DGKG: variants seen among roughly 807,000 people sequenced by gnomAD.
The protein encoded by DGKG is diacylglycerol kinase gamma.
Under a neutral mutation model 105.3 loss-of-function variants are expected in DGKG, and 78 were observed. That is an observed-to-expected ratio of 0.74 (90% CI 0.62 to 0.89). The LOEUF (loss-of-function observed/expected upper bound fraction) is 0.89. Among genes scored for constraint, DGKG ranks in the 40% least tolerant of loss-of-function variants. The pLI, the probability that DGKG is intolerant of heterozygous loss-of-function variation, is 0.00. For synonymous variants in DGKG, 346 were observed against 367.1 expected (o/e 0.94, Z 0.66); for missense variants, 958 against 1,020.1 (o/e 0.94, Z 0.83).
Position 186,203,180 on chromosome 3 carries a change from T to G in DGKG, c.1917+8615A>C, listed in dbSNP as rs1718557114. ...TTAGTAAGCTGAACGATTCTAAGCA[T>G]TAGTGAAGGAAACTCGTAGTCAGTG... On this transcript the variant is annotated intron_variant, in intron 21 of 24. Transcript: ENST00000265022. This position sits in a 1 kb window ranked among gnomAD's most constrained non-coding sequence, Gnocchi z 4.9. Among the ~76,000 whole-genome samples, 2 of 152,148 alleles carry G rather than the reference T, an allele frequency of 1.3e-5. No individual in the cohort carries two copies. Among genetic ancestry groups the G allele is most frequent in the Admixed American group, 1.3e-4 (2 of 15,268 alleles).
chr3:186,356,887 C>A (rs758674081), intron 1 of DGKG, among the ~76,000 whole-genome samples: 9 of 152,098 alleles, frequency 5.9e-5, no homozygotes, highest in Non-Finnish European at 1.3e-4. Flanking sequence ...TTTGGTTCCC[C>A]GCCCTTTTCC....
chr3:186,163,623 T>C (rs1716402517), intron 23 of DGKG, among the ~76,000 whole-genome samples: 1 of 152,116 alleles, frequency 6.6e-6, no homozygotes, highest in East Asian at 1.9e-4. Context: ...ATTTTGGCTC[T>C]TGAGGCTGGG....
At chr3:186,235,601 A>C (rs1362858241) in intron 20 of DGKG, among the ~76,000 whole-genome samples, 1 of 152,226 alleles carries the variant, frequency 6.6e-6, no homozygotes, top group Non-Finnish European at 1.5e-5. Context: ...TAGATATAAG[A>C]AGAAAATCTT....
chr3:186,360,743 T>C (rs1727187645), intron 1 of DGKG, among the ~76,000 whole-genome samples: 1 of 152,162 alleles, frequency 6.6e-6, no homozygotes, highest in South Asian at 2.1e-4. Context: ...AGCACCAAAA[T>C]AACAAAGTTG....
intron 1 of DGKG, among the ~76,000 whole-genome samples, chr3:186,336,871 T>C (rs1480640673): frequency 6.6e-6 from 1 of 152,196 alleles, no homozygotes; most frequent in African/African-American, 2.4e-5. Flanking sequence ...TTCAACTTTA[T>C]AGCACCACTT....
At chr3:186,321,795 G>A (rs1473909046) in intron 1 of DGKG, among the ~76,000 whole-genome samples, 4 of 152,186 alleles carry the variant, frequency 2.6e-5, no homozygotes, top group Non-Finnish European at 5.9e-5. Context: ...GAGAGAGAGA[G>A]ATTCTAGCTT....
chr3:186,214,781 G>T (rs1578675501), intron 20 of DGKG, among the ~76,000 whole-genome samples: 1 of 152,176 alleles, frequency 6.6e-6, no homozygotes, highest in Admixed American at 6.5e-5. Context: ...ACTAGAGAAG[G>T]TGTGCCTGGT....
At chr3:186,310,043 C>T (rs558389519) in intron 2 of DGKG, among the ~76,000 whole-genome samples, 25 of 148,874 alleles carry the variant, frequency 1.7e-4, no homozygotes, top group South Asian at 6.4e-4. Context: ...CTGAGGCGGG[C>T]GGATCACGAG....
intron 1 of DGKG, among the ~76,000 whole-genome samples, chr3:186,357,072 T>TG (rs1415865174): frequency 6.6e-6 from 1 of 152,076 alleles, no homozygotes; most frequent in East Asian, 1.9e-4. Context: ...TGGTGTTGTG[T>TG]GGGGAGTTGG....
At chr3:186,305,076 A>G (rs1313237955) in intron 3 of DGKG, among the ~76,000 whole-genome samples, 3 of 152,250 alleles carry the variant, frequency 2.0e-5, no homozygotes, top group Non-Finnish European at 1.5e-5. Flanking sequence ...TATAAGCCAG[A>G]TACTTTTCCA....
intron 3 of DGKG, among the ~76,000 whole-genome samples, chr3:186,301,066 G>A (rs1723896821): frequency 6.6e-6 from 1 of 152,202 alleles, no homozygotes; most frequent in Non-Finnish European, 1.5e-5. Flanking sequence ...AGTTGGCTGA[G>A]ACTAGTTCTT....
At chr3:186,258,152 G>A (rs1436645611) in intron 16 of DGKG, among the ~76,000 whole-genome samples, 1 of 152,186 alleles carries the variant, frequency 6.6e-6, no homozygotes, top group Non-Finnish European at 1.5e-5. Context: ...CCTTGTGCAA[G>A]GATAATCTGA....
intron 11 of DGKG, among the ~76,000 whole-genome samples, chr3:186,270,093 T>G (rs545028761): frequency 2.6e-5 from 4 of 151,806 alleles, no homozygotes; most frequent in African/African-American, 7.3e-5. Context: ...CCAGGAAATA[T>G]CTGCGTGATT....
At chr3:186,238,935 G>C (rs1416482625) in intron 20 of DGKG, among the ~76,000 whole-genome samples, 1 of 152,134 alleles carries the variant, frequency 6.6e-6, no homozygotes, top group Non-Finnish European at 1.5e-5. Flanking sequence ...TGCCTCTTAG[G>C]ATTCAAAGAG....
chr3:186,175,509 G>C (rs1396739446), intron 22 of DGKG, among the ~76,000 whole-genome samples: 2 of 152,218 alleles, frequency 1.3e-5, no homozygotes, highest in Admixed American at 6.5e-5. Flanking sequence ...GTGCTTCAGA[G>C]GGGGAGGCAG....
chr3:186,179,860 G>A (rs1717274340), intron 22 of DGKG, among the ~76,000 whole-genome samples: 1 of 152,188 alleles, frequency 6.6e-6, no homozygotes, highest in South Asian at 2.1e-4. Flanking sequence ...CTGGCAGAGG[G>A]GCCCTGGCAC....
chr3:186,350,985 C>T (rs186819878), intron 1 of DGKG, among the ~76,000 whole-genome samples: 1 of 152,194 alleles, frequency 6.6e-6, no homozygotes. Flanking sequence ...TCTATATATT[C>T]TGGACTTTAA....
intron 21 of DGKG, among the ~76,000 whole-genome samples, chr3:186,199,026 C>T (rs1718317965): frequency 6.6e-6 from 1 of 152,144 alleles, no homozygotes; most frequent in Admixed American, 6.5e-5. Context: ...TGGCTCACTA[C>T]AACCTCTGCC....
intron 22 of DGKG, among the ~76,000 whole-genome samples, chr3:186,178,611 C>T (rs1717206309): frequency 6.6e-6 from 1 of 152,198 alleles, no homozygotes. Context: ...TGAGCAGCCT[C>T]CTGAGGCACA....
Sources: gnomAD v4.1 joint callset for allele counts (sites outside exome capture counted in the v4.1 genomes callset) on GRCh38, gnomAD v4.1.1 for gene constraint, Gnocchi (gnomAD v3.1) non-coding constraint, MANE v1.5 for transcripts, NCBI Gene and HGNC (gene_info 2026-07-23, HGNC 2026-07-21) for gene names.